The following PTPRM variants were observed in gnomAD, a reference collection of about 807,000 sequenced individuals.
The protein encoded by PTPRM is receptor-type tyrosine-protein phosphatase mu.
A neutral mutation model predicts 186.7 loss-of-function variants in PTPRM; 47 were observed. The ratio of observed to expected loss-of-function variants is 0.25; its 90% confidence interval spans 0.20 to 0.32. The LOEUF is 0.32. PTPRM is among the 10% of genes least tolerant of loss of function. PTPRM has a pLI of 1.00. For missense variants in PTPRM, 1,494 were observed against 1,865.0 expected, an observed-to-expected ratio of 0.80 and a Z score of 3.66; for synonymous variants, 668 against 674.9, an observed-to-expected ratio of 0.99 and a Z score of 0.16.
chr18:7,701,829 G>A (rs942665782), intron 1 of PTPRM, among the ~76,000 whole-genome samples: 1 of 152,006 alleles, frequency 6.6e-6, no homozygotes, highest in Non-Finnish European at 1.5e-5. Context: ...ATCTACATTA[G>A]GTATTACTCC....
At chr18:8,147,835 A>T (rs1460289882) in intron 14 of PTPRM, among the ~76,000 whole-genome samples, 1 of 151,964 alleles carries the variant, frequency 6.6e-6, no homozygotes, top group Non-Finnish European at 1.5e-5. Flanking sequence ...TACCTAGCTT[A>T]TTCAGTTTTT....
intron 32 of PTPRM, among the ~76,000 whole-genome samples, chr18:8,396,404 A>T (rs1044898805): frequency 3.9e-5 from 6 of 152,192 alleles, no homozygotes; most frequent in Non-Finnish European, 5.9e-5. Context: ...TGCAGCCTGA[A>T]TTAAGCACAT....
chr18:8,047,873 AT>A (rs976653640), intron 7 of PTPRM, among the ~76,000 whole-genome samples: 1 of 152,214 alleles, frequency 6.6e-6, no homozygotes, highest in Non-Finnish European at 1.5e-5. Flanking sequence ...ACCAAAGTTA[AT>A]TTGGAAAGGA....
intron 14 of PTPRM, among the ~76,000 whole-genome samples, chr18:8,149,589 T>G (rs1037563570): frequency 2.0e-5 from 3 of 152,218 alleles, no homozygotes; most frequent in Non-Finnish European, 2.9e-5. Context: ...CTGATGGGTC[T>G]TGACTCTATC....
At chr18:8,302,984 A>G (rs1479200573) in intron 20 of PTPRM, among the ~76,000 whole-genome samples, 1 of 152,098 alleles carries the variant, frequency 6.6e-6, no homozygotes, top group Non-Finnish European at 1.5e-5. Flanking sequence ...TGAAATCTGA[A>G]AGAGAGGGAT....
intron 14 of PTPRM, among the ~76,000 whole-genome samples, chr18:8,176,205 TAGAGAGAG>T (rs3046337): frequency 9.5e-4 from 143 of 149,746 alleles, no homozygotes; most frequent in Middle Eastern, 6.8e-3. Flanking sequence ...GGCAGTATAA[TAGAGAGAG>T]AGAGAGAGAG....
chr18:7,636,067 C>T (rs1453654181), intron 1 of PTPRM, among the ~76,000 whole-genome samples: 2 of 152,200 alleles, frequency 1.3e-5, no homozygotes, highest in Non-Finnish European at 2.9e-5. Context: ...TGACTGTGCA[C>T]TCACATGAGA....
intron 2 of PTPRM, among the ~76,000 whole-genome samples, chr18:7,879,280 A>G (rs1177328967): frequency 6.6e-6 from 1 of 152,166 alleles, no homozygotes; most frequent in African/African-American, 2.4e-5. Context: ...TTTAAGATTG[A>G]TGGTCCTAAA....
chr18:7,788,976 AT>A lies in PTPRM; in HGVS notation c.196+14706del, dbSNP rs555096065. 2.0e-3 allele frequency among the ~76,000 whole-genome samples: 304 copies of A among 152,218 alleles called. 2 individuals carry two copies. The highest frequency in any genetic ancestry group is 7.0e-3 in the African/African-American group (289 of 41,514). ...TTTGGTTCTCCTTTTTTTTCAGTAAATACTTATGAAGTATGTACTGTGGAAT... is the reference window on the plus strand; with the variant it reads ...TTTGGTTCTCCTTTTTTTTCAGTAAAACTTATGAAGTATGTACTGTGGAAT... On this transcript the variant is annotated intron_variant, in intron 2 of 32. Coordinates refer to ENST00000580170, the MANE Select transcript of PTPRM (RefSeq NM_001105244.2).
rs1305244376 is a variant in PTPRM at position 7,659,155 on chromosome 18, C to CACACAA, written c.73+91265_73+91266insCACAAA. ...ACACACACACACACACACACACACACAATCTCCCTTCTCTGCTTTATTTTT... is the reference window on the plus strand; with the variant it reads ...ACACACACACACACACACACACACACACACAAAATCTCCCTTCTCTGCTTTATTTTT... On this transcript the variant is annotated intron_variant, in intron 1 of 32. Transcript: ENST00000580170. Among the ~76,000 whole-genome samples, 426 of 147,308 alleles carry CACACAA rather than the reference C, an allele frequency of 2.9e-3. 2 individuals carry two copies. Among genetic ancestry groups the CACACAA allele is most frequent in the African/African-American group, 0.01 (405 of 39,054 alleles).
chr18:7,836,838 C>G (rs1366693792), intron 2 of PTPRM, among the ~76,000 whole-genome samples: 2 of 152,166 alleles, frequency 1.3e-5, no homozygotes, highest in African/African-American at 4.8e-5. Flanking sequence ...TGTGGGGTTT[C>G]CACTGAAAAG....
At chr18:8,252,603 C>T in intron 18 of PTPRM, 104 bp downstream of exon 18, 1 of 1,138,396 alleles carries the variant, frequency 8.8e-7, no homozygotes, top group Non-Finnish European at 1.3e-6. Context: ...CTGTGCTGGC[C>T]TGCATGTTTG....
chr18:8,011,725 A>C (rs1291335355), intron 7 of PTPRM, among the ~76,000 whole-genome samples: 23 of 152,218 alleles, frequency 1.5e-4, no homozygotes, highest in Admixed American at 1.5e-3. Context: ...CACAGGTGAC[A>C]TGCAGAATGC....
intron 2 of PTPRM, among the ~76,000 whole-genome samples, chr18:7,867,103 G>A (rs2047746609): frequency 6.6e-6 from 1 of 152,124 alleles, no homozygotes. Context: ...TTGCATGTGA[G>A]ATGGGTCTCC....
intron 7 of PTPRM, among the ~76,000 whole-genome samples, chr18:7,956,197 G>A (rs534938148): frequency 6.6e-6 from 1 of 152,260 alleles, no homozygotes; most frequent in South Asian, 2.1e-4. Context: ...ATTGTGTGCT[G>A]AGATGAGGAG....
chr18:7,826,756 A>T (rs1410392671), intron 2 of PTPRM, among the ~76,000 whole-genome samples: 1 of 152,184 alleles, frequency 6.6e-6, no homozygotes, highest in Non-Finnish European at 1.5e-5. Context: ...GTTTCCTTTT[A>T]CCCTTTTTCT....
intron 1 of PTPRM, among the ~76,000 whole-genome samples, chr18:7,681,914 T>G (rs953867094): frequency 2.0e-5 from 3 of 152,200 alleles, no homozygotes; most frequent in African/African-American, 7.2e-5. Context: ...GACAGTGCTG[T>G]GATGAGAGTT....
chr18:7,946,906 GGGCTGA>G (rs1385161487), intron 5 of PTPRM: 2 of 455,948 alleles, frequency 4.4e-6, no homozygotes, highest in African/African-American at 4.0e-5. Context: ...CTGGGAGGAA[GGGCTGA>G]GCATGCCTAG....
At chr18:7,905,539 T>C (rs557593822) in intron 3 of PTPRM, among the ~76,000 whole-genome samples, 2 of 152,364 alleles carry the variant, frequency 1.3e-5, no homozygotes, top group Admixed American at 6.5e-5. Context: ...ATTAATAGGC[T>C]ATCTTTCCTG....
Sources: allele counts gnomAD v4.1 joint callset (sites outside exome capture counted in the v4.1 genomes callset), GRCh38; gene constraint gnomAD v4.1.1; transcripts MANE v1.5; gene names NCBI Gene and HGNC (gene_info 2026-07-23, HGNC 2026-07-21).